The following TMEM44 variants were observed in gnomAD, a reference collection of about 807,000 sequenced individuals.
The protein encoded by TMEM44 is transmembrane protein 44.
In TMEM44, 43 loss-of-function variants were observed where a neutral mutation model predicts 47.8. The observed-to-expected ratio is 0.90, with a 90% CI of 0.70 to 1.16. The LOEUF (loss-of-function observed/expected upper bound fraction) is 1.16. Ranked by LOEUF, TMEM44 falls within the 50% of genes most tolerant of loss-of-function variation. The probability of loss-of-function intolerance (pLI) is 0.00; values close to 1 mark genes in which losing one functional copy is unlikely to be tolerated. For missense variants in TMEM44, 568 were observed against 555.2 expected (o/e 1.02, Z -0.23); for synonymous variants, 277 against 238.8 (o/e 1.16, Z -1.48).
At chr3:194,623,012 G>A (rs1315773401) in intron 5 of TMEM44, 8 of 472,440 alleles carry the variant, frequency 1.7e-5, no homozygotes, top group Middle Eastern at 5.3e-4. Flanking sequence ...AGAGGCTCCC[G>A]CCGTCCTCAG....
At chr3:194,610,267 C>T (rs1171040465) in intron 8 of TMEM44, among the ~76,000 whole-genome samples, 1 of 151,964 alleles carries the variant, frequency 6.6e-6, no homozygotes, top group African/African-American at 2.4e-5. Flanking sequence ...CGACCCGACC[C>T]CTGCCTCCTC....
intron 8 of TMEM44, among the ~76,000 whole-genome samples, 196 bp downstream of exon 8, chr3:194,610,720 C>T (rs150551203): frequency 2.1e-3 from 319 of 152,292 alleles, no homozygotes; most frequent in African/African-American, 7.5e-3. Context: ...TCAGAGGGGA[C>T]AGGGAAAATA....
In TMEM44 at chr3:194,630,435, A is replaced by AC. The variant is rs1377777126; in HGVS notation, c.138-1927dup. 3.0e-3 allele frequency among the ~76,000 whole-genome samples: 220 copies of AC among 73,918 alleles called. 5 individuals carry two copies. Among genetic ancestry groups the AC allele is most frequent in the African/African-American group, 0.014 (190 of 13,224 alleles). The allele number at this position is 73,918 out of a possible 152,430, so 48.5% of individuals were successfully genotyped here. On this transcript the variant is annotated intron_variant, in intron 1 of 9. Coordinates refer to ENST00000347147, the MANE Select transcript of TMEM44 (RefSeq NM_001011655.3). ...GGCCCCTGAAATAATACGCTGTCGT[A>AC]CTGCCTCCCGAAGGGGCTGGCTGTT...
chr3:194,610,011 G>A (rs1715147588), intron 8 of TMEM44, among the ~76,000 whole-genome samples: 1 of 152,060 alleles, frequency 6.6e-6, no homozygotes, highest in African/African-American at 2.4e-5. Context: ...AGCAGATCAC[G>A]AGGTCAAGAG....
intron 5 of TMEM44, among the ~76,000 whole-genome samples, chr3:194,622,349 C>A (rs1000892693): frequency 6.6e-6 from 1 of 152,142 alleles, no homozygotes; most frequent in Non-Finnish European, 1.5e-5. Context: ...CCTTCTCTCT[C>A]TTCTGAAACC....
chr3:194,607,268 G>A (rs1330861237), intron 8 of TMEM44, among the ~76,000 whole-genome samples: 5 of 152,072 alleles, frequency 3.3e-5, no homozygotes, highest in Non-Finnish European at 7.4e-5. Context: ...GCAGCCTGAG[G>A]CCTCACCAGT....
chr3:194,618,871 A>G (rs890107752), intron 5 of TMEM44, among the ~76,000 whole-genome samples: 2 of 152,070 alleles, frequency 1.3e-5, no homozygotes, highest in Non-Finnish European at 2.9e-5. Context: ...TGCGCCCTGA[A>G]GACTGCTTAA....
At chr3:194,596,381 T>A (rs1713413033) in intron 9 of TMEM44, among the ~76,000 whole-genome samples, 2 of 152,168 alleles carry the variant, frequency 1.3e-5, no homozygotes, top group Non-Finnish European at 2.9e-5. Context: ...ACAGAAGTTT[T>A]CCAGAGTGGT....
At position 194,611,817 on chromosome 3, in the gene TMEM44, TG is replaced by T. The variant is rs1715351914; in HGVS notation, c.913-798del. 1.3e-5 allele frequency among the ~76,000 whole-genome samples: 2 copies of T among 151,706 alleles called. No individual in the cohort carries two copies. Among genetic ancestry groups the T allele is most frequent in the Non-Finnish European group, 2.9e-5 (2 of 67,956 alleles). ...CAGGCCGATCACCTGAGGTTAGGAG[TG>T]CGAGACCAGCCTGGTCAACATAGTG... is the stretch of plus-strand genomic sequence containing the variant. On this transcript the variant is annotated intron_variant, in intron 7 of 9. Coordinates refer to ENST00000347147, the MANE Select transcript of TMEM44 (RefSeq NM_001011655.3). The surrounding 1 kb of genome is among the most constrained non-coding windows in gnomAD (Gnocchi z 4.2).
In TMEM44 at chr3:194,623,519, C is replaced by CCAGCCTCACCTGCAGCAGGCTCGCTAG; in HGVS notation, c.508_525+9dup. 2 of 1,575,952 alleles carry CCAGCCTCACCTGCAGCAGGCTCGCTAG rather than the reference C, an allele frequency of 1.3e-6. No individual in the cohort carries two copies. The highest frequency in any genetic ancestry group is 1.2e-5 in the South Asian group (1 of 85,788). ...TACCCCGAGTCCTCCCCACGGTGGC[C>CCAGCCTCACCTGCAGCAGGCTCGCTAG]CAGCCTCACCTGCAGCAGGCTCGCT... is the stretch of plus-strand genomic sequence containing the variant. On this transcript the variant is annotated intron_variant, in intron 4 of 9. Transcript: ENST00000347147.
At chr3:194,617,374 A>G in intron 5 of TMEM44, 105 bp from the exon 6 acceptor site, 1 of 1,274,664 alleles carries the variant, frequency 7.8e-7, no homozygotes, top group Non-Finnish European at 1.1e-6. Flanking sequence ...GCCTGCAGCC[A>G]GTCCTCCAGG....
Position 194,616,777 on chromosome 3 carries a change from C to T in TMEM44, c.783+322G>A, listed in dbSNP as rs770132568. ...AGACGTGTTGGCATGCACCTGTAGTCCCAGCTACTCGGGAGGCTGAGGCAG... is the reference window on the plus strand; with the variant it reads ...AGACGTGTTGGCATGCACCTGTAGTTCCAGCTACTCGGGAGGCTGAGGCAG... On this transcript the variant is annotated intron_variant, in intron 6 of 9. Coordinates refer to ENST00000347147, the MANE Select transcript of TMEM44 (RefSeq NM_001011655.3). The T allele has an allele frequency of 4.1e-5, 17 of 416,452 alleles. No homozygotes were observed. In the East Asian group the frequency reaches 9.7e-4, roughly 24 times the overall value. 25.8% of individuals were successfully genotyped at this position (416,452 alleles called of 1,614,324 possible).
At chr3:194,614,863 C>T (rs895319062) in intron 7 of TMEM44, among the ~76,000 whole-genome samples, 5 of 152,192 alleles carry the variant, frequency 3.3e-5, no homozygotes, top group African/African-American at 1.2e-4. Flanking sequence ...AACTTCAAAA[C>T]ATTTGTATAA....
intron 1 of TMEM44, among the ~76,000 whole-genome samples, chr3:194,630,679 C>T (rs1717705998): frequency 7.4e-6 from 1 of 135,120 alleles, no homozygotes; most frequent in Non-Finnish European, 1.6e-5. Context: ...TGGCTGTTTC[C>T]ATCGGCGTCA....
intron 6 of TMEM44, chr3:194,616,634 G>A (rs1333671912): frequency 1.5e-5 from 7 of 456,362 alleles, no homozygotes; most frequent in Non-Finnish European, 1.8e-5. Context: ...TGCAGACGGC[G>A]TGGCCCTGCC....
chr3:194,614,467 C>A (rs1220088224), intron 7 of TMEM44, among the ~76,000 whole-genome samples: 3 of 152,170 alleles, frequency 2.0e-5, no homozygotes, highest in Non-Finnish European at 4.4e-5. Flanking sequence ...TGCGGTGGCG[C>A]CATCTTGGCT....
At chr3:194,588,660 G>GA (rs759431260) in intron 9 of TMEM44, 21 bp from the exon 10 acceptor site, 69 of 1,606,930 alleles carry the variant, frequency 4.3e-5, no homozygotes, top group Non-Finnish European at 5.7e-5. Context: ...AAGATGCAAA[G>GA]GGTAGCTGGG....
chr3:194,594,166 T>TCTA (rs397963451), intron 9 of TMEM44, among the ~76,000 whole-genome samples: 2 of 139,318 alleles, frequency 1.4e-5, no homozygotes, highest in African/African-American at 2.7e-5. Context: ...TATCTATCTA[T>TCTA]ATCTATCTAT....
At chr3:194,604,946 G>C (rs984990113) in intron 8 of TMEM44, among the ~76,000 whole-genome samples, 1 of 152,222 alleles carries the variant, frequency 6.6e-6, no homozygotes, top group Non-Finnish European at 1.5e-5. Context: ...AATTCCCAGA[G>C]GCGGAATTGC....
Sources: allele counts gnomAD v4.1 joint callset (sites outside exome capture counted in the v4.1 genomes callset), GRCh38; gene constraint gnomAD v4.1.1; non-coding constraint Gnocchi (gnomAD v3.1); transcripts MANE v1.5; gene names NCBI Gene and HGNC (gene_info 2026-07-23, HGNC 2026-07-21).